The following TSPAN14 variants were observed in gnomAD, a reference collection of about 807,000 sequenced individuals.
TSPAN14 encodes the protein tetraspanin-14.
In TSPAN14, 16 loss-of-function variants were observed where a neutral mutation model predicts 36.6. The observed-to-expected ratio is 0.44, with a 90% CI of 0.30 to 0.66. The LOEUF (loss-of-function observed/expected upper bound fraction) is 0.66, where lower values mean the gene tolerates loss of function less well. TSPAN14 is among the 30% of genes least tolerant of loss of function. The probability of loss-of-function intolerance (pLI) is 0.12; values close to 1 mark genes in which losing one functional copy is unlikely to be tolerated. For synonymous variants in TSPAN14, 139 were observed against 143.8 expected, an observed-to-expected ratio of 0.97 and a Z score of 0.24; for missense variants, 231 against 355.1, an observed-to-expected ratio of 0.65 and a Z score of 2.81.
chr10:80,488,529 T>G (rs1418143949), intron 1 of TSPAN14, among the ~76,000 whole-genome samples: 2 of 142,272 alleles, frequency 1.4e-5, no homozygotes, highest in African/African-American at 2.6e-5. Flanking sequence ...TGAGGTGGAG[T>G]GGGGGGCGAG....
intron 7 of TSPAN14, 181 bp from the exon 8 acceptor site, chr10:80,516,023 C>G: frequency 1.2e-6 from 1 of 840,822 alleles, no homozygotes; most frequent in African/African-American, 1.7e-5. Context: ...GGCACAGTGC[C>G]CAGCGAGGGG....
intron 1 of TSPAN14, among the ~76,000 whole-genome samples, chr10:80,456,175 G>A (rs1845726381): frequency 1.3e-5 from 2 of 152,190 alleles, no homozygotes; most frequent in South Asian, 2.1e-4. Context: ...AACCCAGGCT[G>A]GACATGGCAT....
chr10:80,518,065 C>T lies in TSPAN14; in HGVS notation c.*89C>T, dbSNP rs1006353850. 30 of 1,352,494 alleles carry T rather than the reference C, an allele frequency of 2.2e-5. No homozygotes were observed. The East Asian group carries it at 3.8e-4, about 17-fold the overall frequency. 83.8% of individuals were successfully genotyped at this position (1,352,494 alleles called of 1,614,324 possible). ...GCCCTACGTCCAGAGGGAGAGGAGC[C>T]GACACCCCCAGAGCCAGTGCCCCAT... is the stretch of plus-strand genomic sequence containing the variant. On this transcript the variant is annotated 3_prime_UTR_variant, in exon 9 of 9. Coordinates refer to ENST00000429989, the Ensembl canonical transcript of TSPAN14.
chr10:80,480,207 G>T (rs1483259278), intron 1 of TSPAN14, among the ~76,000 whole-genome samples: 1 of 150,716 alleles, frequency 6.6e-6, no homozygotes, highest in Non-Finnish European at 1.5e-5. Context: ...AGACAATGGG[G>T]TTTTCTAGAT....
At chr10:80,496,394 C>G (rs560406253) in intron 2 of TSPAN14, among the ~76,000 whole-genome samples, 58 of 152,246 alleles carry the variant, frequency 3.8e-4, no homozygotes, top group Admixed American at 3.4e-3. Flanking sequence ...AACTGTGTCT[C>G]CTCCCACCTC....
Position 80,486,959 on chromosome 10 carries a change from T to G in TSPAN14, c.-17-2258T>G, listed in dbSNP as rs145589391. ...ACCATTGGCTGGGTGTGGTGGCTCA[T>G]GCAGGTAATCTCAGCAATTTGGGAG... On this transcript the variant is annotated intron_variant, in intron 1 of 8. Transcript: ENST00000429989. 2.8e-4 allele frequency among the ~76,000 whole-genome samples: 43 copies of G among 152,302 alleles called. 1 individual carries two copies. Among genetic ancestry groups the G allele is most frequent in the African/African-American group, 9.4e-4 (39 of 41,578 alleles).
intron 1 of TSPAN14, among the ~76,000 whole-genome samples, chr10:80,463,626 T>G (rs954884223): frequency 6.6e-6 from 1 of 152,224 alleles, no homozygotes. Context: ...ATGACTCACT[T>G]TACCAGCTCT....
chr10:80,473,657 C>T (rs1166253951), intron 1 of TSPAN14, among the ~76,000 whole-genome samples: 4 of 150,904 alleles, frequency 2.7e-5, no homozygotes, highest in South Asian at 4.2e-4. Context: ...TTCTTCACTC[C>T]AGTGAGCGGT....
rs114609550 is a variant in TSPAN14, at chr10:80,467,447, G to T, written c.-18+13076G>T. On this transcript the variant is annotated intron_variant, in intron 1 of 8. Transcript: ENST00000429989. ...TGGGATTTGAATTCGGGCTTACTGG[G>T]TGACCTTGGTGGGTCACTTCCTGGG... is the stretch of plus-strand genomic sequence containing the variant. 8.9e-3 allele frequency among the ~76,000 whole-genome samples: 1,357 copies of T among 152,276 alleles called. 18 individuals are homozygous for T. The highest frequency in any genetic ancestry group is 0.031 in the African/African-American group (1,304 of 41,548).
chr10:80,465,027 G>C (rs1018907726), intron 1 of TSPAN14, among the ~76,000 whole-genome samples: 1 of 152,152 alleles, frequency 6.6e-6, no homozygotes, highest in Non-Finnish European at 1.5e-5. Flanking sequence ...TCTAGTTTCT[G>C]CCTCTGTCAA....
chr10:80,461,729 G>C (rs1845978278), intron 1 of TSPAN14, among the ~76,000 whole-genome samples: 1 of 152,002 alleles, frequency 6.6e-6, no homozygotes, highest in African/African-American at 2.4e-5. Context: ...TTAGTGCCTG[G>C]GTTGGGCTCT....
chr10:80,502,491 C>CGAAT (rs995535911), intron 2 of TSPAN14, among the ~76,000 whole-genome samples: 1 of 152,030 alleles, frequency 6.6e-6, no homozygotes, highest in Non-Finnish European at 1.5e-5. Context: ...GAAAGCTGGT[C>CGAAT]GAATGCACTG....
chr10:80,480,050 A>T (rs1847162527), intron 1 of TSPAN14, among the ~76,000 whole-genome samples: 1 of 147,490 alleles, frequency 6.8e-6, no homozygotes, highest in South Asian at 2.2e-4. Flanking sequence ...CTTCTCTTTG[A>T]AGCAATTGTG....
At chr10:80,480,306 C>A (rs1816270752) in intron 1 of TSPAN14, among the ~76,000 whole-genome samples, 1 of 151,952 alleles carries the variant, frequency 6.6e-6, no homozygotes, top group African/African-American at 2.4e-5. Flanking sequence ...GCCTAATTGC[C>A]CTGGCCAGAA....
intron 1 of TSPAN14, among the ~76,000 whole-genome samples, chr10:80,466,698 T>C (rs35269135): frequency 0.14 from 20,944 of 152,170 alleles, 1,767 homozygotes; most frequent in South Asian, 0.29. Context: ...TCTAAAATAT[T>C]TTAAAGAGGT....
At chr10:80,475,927 G>T (rs903343839) in intron 1 of TSPAN14, among the ~76,000 whole-genome samples, 1 of 152,116 alleles carries the variant, frequency 6.6e-6, no homozygotes, top group Non-Finnish European at 1.5e-5. Flanking sequence ...TGTCCAAGGG[G>T]GTTTGGTTCC....
chr10:80,475,880 C>T (rs1022874105), intron 1 of TSPAN14, among the ~76,000 whole-genome samples: 20 of 152,096 alleles, frequency 1.3e-4, no homozygotes, highest in Admixed American at 2.6e-4. Context: ...CCGTGGTGCC[C>T]GGCCTCCCCA....
chr10:80,485,358 G>T (rs1847528772), intron 1 of TSPAN14, among the ~76,000 whole-genome samples: 1 of 152,114 alleles, frequency 6.6e-6, no homozygotes, highest in African/African-American at 2.4e-5. Flanking sequence ...GTCAGATCTG[G>T]GTTCTAGTTT....
chr10:80,502,580 G>A (rs967357524), intron 2 of TSPAN14, among the ~76,000 whole-genome samples: 7 of 152,058 alleles, frequency 4.6e-5, no homozygotes, highest in Non-Finnish European at 8.8e-5. Flanking sequence ...CAAGCCTGGG[G>A]TCTGGGTTTT....
Sources: gnomAD v4.1 joint callset for allele counts (sites outside exome capture counted in the v4.1 genomes callset) on GRCh38, gnomAD v4.1.1 for gene constraint, MANE v1.5 for transcripts, NCBI Gene and HGNC (gene_info 2026-07-23, HGNC 2026-07-21) for gene names.